Variants in SLC39A10 observed in about 807,000 individuals in gnomAD.
SLC39A10 encodes solute carrier family 39 member 10, also known as zinc transporter ZIP10.
SLC39A10 carries 13 observed loss-of-function variants against 65.1 expected under a neutral mutation model. That is an observed-to-expected ratio of 0.20 (90% confidence interval 0.13 to 0.32). The LOEUF is 0.32. Among genes scored for constraint, SLC39A10 ranks in the 10% least tolerant of loss-of-function variants. The probability of loss-of-function intolerance (pLI) is 1.00; values close to 1 mark genes in which losing one functional copy is unlikely to be tolerated. For missense variants in SLC39A10, 831 were observed against 1,018.4 expected, an observed-to-expected ratio of 0.82 and a Z score of 2.50; for synonymous variants, 321 against 342.2, an observed-to-expected ratio of 0.94 and a Z score of 0.68.
At chr2:195,697,319 C>T (rs1056224634) in intron 3 of SLC39A10, among the ~76,000 whole-genome samples, 1 of 152,096 alleles carries the variant, frequency 6.6e-6, no homozygotes, top group Non-Finnish European at 1.5e-5. Flanking sequence ...CTAATTTCTG[C>T]AGATACCAAG....
chr2:195,629,136 C>T lies in SLC39A10; in HGVS notation c.-12+22903C>T, dbSNP rs557174416. 1.4e-4 allele frequency among the ~76,000 whole-genome samples: 22 copies of T among 152,216 alleles called. No homozygotes were observed. The South Asian group carries it at 4.6e-3, about 32-fold the overall frequency. ...GGGCACGGTGGCTTACCCCTGTAAT[C>T]CCAGCACTTTGGGAGGCCAAGGTGA... On this transcript the variant is annotated intron_variant, in intron 2 of 2. Coordinates refer to the SLC39A10 transcript ENST00000458054.
rs115345636 is a variant in SLC39A10 at position 195,721,639 on chromosome 2, C to T, written c.2146+3307C>T. On this transcript the variant is annotated intron_variant, in intron 8 of 9. Transcript: ENST00000359634. ...CTATCACATACTGCTGTTGGTCTAT[C>T]ACATACTGCTGTTAGCCTAACTCCA... 1.3e-3 allele frequency among the ~76,000 whole-genome samples: 205 copies of T among 152,270 alleles called. 1 individual carries two copies. Among genetic ancestry groups the T allele is most frequent in the African/African-American group, 4.9e-3 (202 of 41,546 alleles).
At chr2:195,648,705 T>C (rs1022346239) in intron 2 of SLC39A10, among the ~76,000 whole-genome samples, 2 of 151,754 alleles carry the variant, frequency 1.3e-5, no homozygotes, top group East Asian at 1.9e-4. Flanking sequence ...TAAAAATAGG[T>C]TGGATAATGT....
In SLC39A10 at chr2:195,678,138, G is replaced by A. The variant is rs1459117003; in HGVS notation, c.-11-1894G>A. ...GGATTTCTGTTGGGCATATACCCCA[G>A]ATTAAAATTGCTGTGTAAGTACATA... On this transcript the variant is annotated intron_variant, in intron 1 of 9. Transcript: ENST00000359634. Among the ~76,000 whole-genome samples, 4 of 152,164 alleles carry A rather than the reference G, an allele frequency of 2.6e-5. No homozygotes were observed. In the East Asian group the frequency reaches 5.8e-4, roughly 22 times the overall value.
intron 4 of SLC39A10, among the ~76,000 whole-genome samples, chr2:195,708,271 G>A (rs149625367): frequency 6.6e-6 from 1 of 152,282 alleles, no homozygotes; most frequent in East Asian, 1.9e-4. Flanking sequence ...GGAATCACAA[G>A]TGACTGCTGG....
rs138260549 is a variant in SLC39A10 at position 195,624,213 on chromosome 2, C to T, written c.-12+17980C>T. ...CCAGCCTGACCAACATGGAGAAACC[C>T]CACCTCTACTAAAAATACAAAAAAT... On this transcript the variant is annotated intron_variant, in intron 2 of 2. Coordinates refer to the SLC39A10 transcript ENST00000458054. 7.7e-3 allele frequency among the ~76,000 whole-genome samples: 1,160 copies of T among 151,500 alleles called. 13 individuals carry two copies. Among genetic ancestry groups the T allele is most frequent in the African/African-American group, 0.027 (1,113 of 41,302 alleles).
intron 1 of SLC39A10, among the ~76,000 whole-genome samples, chr2:195,665,091 A>G (rs927046922): frequency 2.0e-5 from 3 of 152,270 alleles, no homozygotes; most frequent in Non-Finnish European, 4.4e-5. Context: ...TGGGAGGCTG[A>G]GGGGGGCTGG....
chr2:195,681,141 A>G (rs1690295745), intron 2 of SLC39A10, 91 bp downstream of exon 2: 2 of 1,251,778 alleles, frequency 1.6e-6, no homozygotes, highest in Non-Finnish European at 2.2e-6. Flanking sequence ...GTGGAGTATT[A>G]ATCATATTTA....
chr2:195,680,532 G>C lies in SLC39A10; in HGVS notation c.490G>C (p.Val164Leu). 1 of 1,614,174 alleles carries C rather than the reference G, an allele frequency of 6.2e-7. No individual in the cohort carries two copies. The highest frequency in any genetic ancestry group is 8.5e-7 in the Non-Finnish European group (1 of 1,180,030). ...AGAGAAAGAGACAGTTGAAGTGTCT[G>C]TAAAATCTGATGATAAACATATGCA... is the stretch of plus-strand genomic sequence containing the variant. ...DPEKETVEVSVKSDDKHMHDH... is the reference protein window; with the variant it reads ...DPEKETVEVSLKSDDKHMHDH... Residue 164 changes from valine to leucine, a missense_variant, in exon 2 of 10, where the codon GTA (valine) becomes CTA (leucine). This residue lies in a region of SLC39A10 where 446 missense variants were observed against 499.2 expected (regional missense o/e 0.89). Transcript: ENST00000359634.
chr2:195,702,649 A>G (rs1335300238), intron 3 of SLC39A10, among the ~76,000 whole-genome samples: 1 of 152,220 alleles, frequency 6.6e-6, no homozygotes, highest in Non-Finnish European at 1.5e-5. Flanking sequence ...TCATACTATT[A>G]AGGCCATGTT....
chr2:195,677,902 A>G (rs1690156721), intron 1 of SLC39A10, among the ~76,000 whole-genome samples: 1 of 152,058 alleles, frequency 6.6e-6, no homozygotes, highest in Non-Finnish European at 1.5e-5. Context: ...GGCACATGCC[A>G]CCACGCCTGG....
chr2:195,665,920 GT>G (rs1433903575), intron 1 of SLC39A10, among the ~76,000 whole-genome samples: 1 of 151,774 alleles, frequency 6.6e-6, no homozygotes, highest in African/African-American at 2.4e-5. Flanking sequence ...TGTAATTTTG[GT>G]TTAGAACAGT....
At position 195,735,308 on chromosome 2, in the gene SLC39A10, A is replaced by T. The variant is rs1692555747; in HGVS notation, c.*267A>T. 7.5e-6 allele frequency: 2 copies of T among 265,976 alleles called. No individual in the cohort carries two copies. The highest frequency in any genetic ancestry group is 4.4e-5 in the African/African-American group (2 of 45,558). The allele number at this position is 265,976 out of a possible 1,614,324, so 16.5% of individuals were successfully genotyped here. A position where few individuals can be genotyped will look rare whatever the true frequency, so the allele number is the denominator to read the frequency against. On this transcript the variant is annotated 3_prime_UTR_variant, in exon 10 of 10. Transcript: ENST00000359634. The stretch of plus-strand genomic sequence containing the variant: ...TTGATATGTTTGATTAAGACTTTTC[A>T]CAAAATAATCATATAAAACACTAGT...
chr2:195,696,330 A>AC (rs1291756205), intron 3 of SLC39A10, among the ~76,000 whole-genome samples: 9 of 151,964 alleles, frequency 5.9e-5, no homozygotes, highest in Admixed American at 3.3e-4. Context: ...AAAAAAAAAA[A>AC]AAAAACCTAT....
chr2:195,731,487 T>A (rs943194446), intron 9 of SLC39A10, among the ~76,000 whole-genome samples: 2 of 152,332 alleles, frequency 1.3e-5, no homozygotes, highest in African/African-American at 4.8e-5. Context: ...CCCACTAAGA[T>A]GTCAGCTCTG....
At chr2:195,652,598 T>C (rs983884850), upstream of SLC39A10, among the ~76,000 whole-genome samples, 1 of 150,662 alleles carries the variant, frequency 6.6e-6, no homozygotes. Flanking sequence ...TAAGGGGTTA[T>C]GGAGACCAAG....
At chr2:195,666,070 T>C (rs1689624168) in intron 1 of SLC39A10, among the ~76,000 whole-genome samples, 1 of 152,174 alleles carries the variant, frequency 6.6e-6, no homozygotes, top group Non-Finnish European at 1.5e-5. Flanking sequence ...AATATGCATA[T>C]ATTAAAAGAC....
At chr2:195,674,729 C>T (rs1227876384) in intron 1 of SLC39A10, 18 of 832,718 alleles carry the variant, frequency 2.2e-5, no homozygotes, top group Non-Finnish European at 2.5e-5. Flanking sequence ...GTGTGAACAT[C>T]ATAGAGTATA....
chr2:195,639,327 G>T (rs557922774), intron 2 of SLC39A10, among the ~76,000 whole-genome samples: 1 of 152,138 alleles, frequency 6.6e-6, no homozygotes, highest in African/African-American at 2.4e-5. Context: ...GATCAGACTG[G>T]GGTTAAGAGT....
Sources: gnomAD v4.1 joint callset for allele counts (sites outside exome capture counted in the v4.1 genomes callset) on GRCh38, gnomAD v4.1.1 for gene constraint, gnomAD v4.1.1 regional missense constraint, MANE v1.5 for transcripts, NCBI Gene and HGNC (gene_info 2026-07-23, HGNC 2026-07-21) for gene names.